ERC2: variants seen among roughly 807,000 people sequenced by gnomAD.
ERC2 encodes the protein ERC protein 2.
Under a neutral mutation model 114.8 loss-of-function variants are expected in ERC2, and 42 were observed. That is an observed-to-expected ratio of 0.37 (90% confidence interval 0.29 to 0.47). ERC2 has a LOEUF of 0.47. ERC2 is among the 20% of genes least tolerant of loss of function. The pLI, the probability that ERC2 is intolerant of heterozygous loss-of-function variation, is 0.99. For synonymous variants in ERC2, 454 were observed against 425.5 expected, an observed-to-expected ratio of 1.07 and a Z score of -0.82; for missense variants, 939 against 1,150.7, an observed-to-expected ratio of 0.82 and a Z score of 2.66.
intron 17 of ERC2, among the ~76,000 whole-genome samples, chr3:55,680,286 G>C (rs2061995813): frequency 6.6e-6 from 1 of 152,184 alleles, no homozygotes; most frequent in South Asian, 2.1e-4. Flanking sequence ...AAAAACTTGT[G>C]TTCTATCTTT....
intron 7 of ERC2, among the ~76,000 whole-genome samples, chr3:56,073,333 G>A (rs571307404): frequency 6.0e-4 from 91 of 152,264 alleles, no homozygotes; most frequent in African/African-American, 2.1e-3. Context: ...TTATTGGGGG[G>A]CAGAGGTGTC....
intron 13 of ERC2, among the ~76,000 whole-genome samples, chr3:55,939,892 C>CA (rs1351433237): frequency 6.6e-6 from 1 of 152,068 alleles, no homozygotes; most frequent in Non-Finnish European, 1.5e-5. Context: ...CATCTTGCAC[C>CA]AAAAAAGTAA....
At chr3:56,090,856 C>T (rs2077751804) in intron 6 of ERC2, among the ~76,000 whole-genome samples, 1 of 151,816 alleles carries the variant, frequency 6.6e-6, no homozygotes, top group Non-Finnish European at 1.5e-5. Context: ...AACTGACCAC[C>T]TAAGTAGCGA....
rs528116148 is a variant in ERC2, at chr3:55,743,139, C to T, written c.2565-8221G>A. Among the ~76,000 whole-genome samples, 4 of 152,298 alleles carry T rather than the reference C, an allele frequency of 2.6e-5. No individual in the cohort carries two copies. The East Asian group carries it at 5.8e-4, about 22-fold the overall frequency. On this transcript the variant is annotated intron_variant, in intron 14 of 17. Transcript: ENST00000288221. ...GAATTCTGTCTTTGAAACCTAATAG[C>T]ACATGACTGGAATTTCCTAACACGG... is the stretch of plus-strand genomic sequence containing the variant.
chr3:56,244,517 A>C (rs1158166432), intron 3 of ERC2, among the ~76,000 whole-genome samples: 1 of 152,098 alleles, frequency 6.6e-6, no homozygotes, highest in Non-Finnish European at 1.5e-5. Flanking sequence ...AAGACCTTCC[A>C]GTGGGATCAT....
intron 17 of ERC2, among the ~76,000 whole-genome samples, chr3:55,550,175 T>C (rs61592052): frequency 0.038 from 5,817 of 152,144 alleles, 235 homozygotes; most frequent in African/African-American, 0.11. Flanking sequence ...CCTCCCTCTT[T>C]AAGGCCTTTG....
At chr3:55,765,377 G>A (rs912834917) in intron 14 of ERC2, among the ~76,000 whole-genome samples, 15 of 152,180 alleles carry the variant, frequency 9.9e-5, no homozygotes, top group Non-Finnish European at 7.3e-5. Flanking sequence ...ATTGGTGCTC[G>A]TTCAAACAAG....
At chr3:55,585,614 T>C (rs1479979508) in intron 17 of ERC2, among the ~76,000 whole-genome samples, 1 of 152,210 alleles carries the variant, frequency 6.6e-6, no homozygotes, top group Non-Finnish European at 1.5e-5. Flanking sequence ...GCAAGATTTC[T>C]ATTTGAATTA....
chr3:56,362,814 T>A (rs1428706276), intron 2 of ERC2, among the ~76,000 whole-genome samples: 1 of 152,224 alleles, frequency 6.6e-6, no homozygotes, highest in Admixed American at 6.5e-5. Context: ...TTCTGGAAAC[T>A]GTCCAATAGC....
intron 2 of ERC2, among the ~76,000 whole-genome samples, chr3:56,310,448 T>C (rs1321361285): frequency 6.6e-6 from 1 of 152,216 alleles, no homozygotes; most frequent in East Asian, 1.9e-4. Context: ...TCCAACATGT[T>C]CATTTAGCAA....
intron 17 of ERC2, among the ~76,000 whole-genome samples, chr3:55,671,327 C>A (rs914521469): frequency 2.0e-5 from 3 of 152,140 alleles, no homozygotes; most frequent in Admixed American, 6.5e-5. Flanking sequence ...ATAAAAAAAT[C>A]TATGAACATT....
intron 14 of ERC2, among the ~76,000 whole-genome samples, chr3:55,793,210 C>T (rs936846665): frequency 6.6e-6 from 1 of 152,124 alleles, no homozygotes; most frequent in Non-Finnish European, 1.5e-5. Flanking sequence ...CAATTTAATT[C>T]GTTCAAGGTA....
intron 13 of ERC2, among the ~76,000 whole-genome samples, chr3:55,900,519 T>G (rs1198748013): frequency 6.6e-6 from 1 of 152,028 alleles, no homozygotes; most frequent in Non-Finnish European, 1.5e-5. Context: ...AGAAAATGGG[T>G]TTCCTTTACT....
chr3:55,760,756 G>A (rs577097666), intron 14 of ERC2, among the ~76,000 whole-genome samples: 2 of 152,100 alleles, frequency 1.3e-5, no homozygotes, highest in Non-Finnish European at 2.9e-5. Flanking sequence ...TACAAATAAC[G>A]CTCAGATAAA....
intron 3 of ERC2, among the ~76,000 whole-genome samples, chr3:56,272,245 C>A (rs1353896775): frequency 6.6e-5 from 10 of 152,188 alleles, no homozygotes; most frequent in African/African-American, 2.2e-4. Flanking sequence ...ATAAAAACAA[C>A]CCCAAAAGTA....
chr3:55,891,253 C>T (rs1305639279), intron 13 of ERC2, among the ~76,000 whole-genome samples: 2 of 152,004 alleles, frequency 1.3e-5, no homozygotes, highest in Non-Finnish European at 2.9e-5. Flanking sequence ...CCCTGGTGAC[C>T]GTGGAAGCAA....
At chr3:55,709,557 T>C (rs1162860877) in intron 15 of ERC2, among the ~76,000 whole-genome samples, 1 of 151,998 alleles carries the variant, frequency 6.6e-6, no homozygotes, top group African/African-American at 2.4e-5. Context: ...CCAGAGAGAA[T>C]GAACATGTCC....
At chr3:56,092,000 T>C (rs959934177) in intron 6 of ERC2, among the ~76,000 whole-genome samples, 1 of 152,172 alleles carries the variant, frequency 6.6e-6, no homozygotes, top group Non-Finnish European at 1.5e-5. Flanking sequence ...AACATTTAGA[T>C]AGCACAAAGA....
chr3:55,602,439 C>T (rs537260733), intron 17 of ERC2, among the ~76,000 whole-genome samples: 13 of 152,320 alleles, frequency 8.5e-5, no homozygotes, highest in African/African-American at 3.1e-4. Context: ...CAGACAGAGG[C>T]ACCATAAGAG....
Sources: allele counts gnomAD v4.1 joint callset (sites outside exome capture counted in the v4.1 genomes callset), GRCh38; gene constraint gnomAD v4.1.1; transcripts MANE v1.5; gene names NCBI Gene and HGNC (gene_info 2026-07-23, HGNC 2026-07-21).